Variants in ATP13A2 observed in about 807,000 individuals in gnomAD.
The protein encoded by ATP13A2 is polyamine-transporting ATPase 13A2.
In ATP13A2, 83 loss-of-function variants were observed where a neutral mutation model predicts 138.3. The observed-to-expected ratio is 0.60, with a 90% confidence interval of 0.50 to 0.72. The LOEUF is 0.72. Among genes scored for constraint, ATP13A2 ranks in the 30% least tolerant of loss-of-function variants. ATP13A2 has a pLI of 0.00. For missense variants in ATP13A2, 1,402 were observed against 1,606.4 expected (o/e 0.87, Z 2.17); for synonymous variants, 663 against 699.0 (o/e 0.95, Z 0.81).
At chr1:16,989,634 G>A (rs374091614) in intron 23 of ATP13A2, 57 bp downstream of exon 23, 438 of 1,565,550 alleles carry the variant, frequency 2.8e-4, no homozygotes, top group Non-Finnish European at 2.4e-4. Context: ...ATGAACAGAC[G>A]AACGGACAAG....
chr1:16,990,414 C>G, intron 20 of ATP13A2, 127 bp from the exon 21 acceptor site: 1 of 1,240,874 alleles, frequency 8.1e-7, no homozygotes, highest in Non-Finnish European at 1.1e-6. Context: ...TGAGCTGAGG[C>G]AGGTTACCAA....
Position 17,002,025 on chromosome 1 carries a change from C to G in ATP13A2, c.705+9G>C, listed in dbSNP as rs1332285157. 2.5e-6 allele frequency: 4 copies of G among 1,606,632 alleles called. No homozygotes were observed. The highest frequency in any genetic ancestry group is 3.4e-6 in the Non-Finnish European group (4 of 1,175,514). Reference sequence around the variant, plus strand: ...GCAGGGCTGGGGCAAGACCCAGGGACAGCCCTACCTCGTCCACCAGCAGCT... The same window carrying G: ...GCAGGGCTGGGGCAAGACCCAGGGAGAGCCCTACCTCGTCCACCAGCAGCT... On this transcript the variant is annotated intron_variant, in intron 8 of 28. Coordinates refer to ENST00000326735, the MANE Select transcript of ATP13A2 (RefSeq NM_022089.4).
Position 16,992,402 on chromosome 1 carries a change from C to T in ATP13A2, c.1846G>A (p.Glu616Lys), listed in dbSNP as rs2076966277. Residue 616 changes from glutamate (E) to lysine (K), a missense_variant and splice_region_variant, in exon 18 of 29, where the codon GAG becomes AAG. Glu to Lys is a moderately conservative substitution (Grantham distance 56, BLOSUM62 1). Coordinates refer to ENST00000326735, the MANE Select transcript of ATP13A2 (RefSeq NM_022089.4). Reference protein sequence around the residue: ...PLWEPQLQAMEEPPVPVSVLH... With the variant: ...PLWEPQLQAMKEPPVPVSVLH... Reference sequence around the variant, plus strand: ...ACGCTGACTGGCACCGGGGGCTCCTCCTGCAGGGTTGGAGAGGCAGCTGAG... The same window carrying T: ...ACGCTGACTGGCACCGGGGGCTCCTTCTGCAGGGTTGGAGAGGCAGCTGAG... 6.2e-7 allele frequency: 1 copy of T among 1,613,696 alleles called. No individual in the cohort carries two copies. The highest frequency in any genetic ancestry group is 1.1e-5 in the South Asian group (1 of 91,090).
rs114083324 is a variant in ATP13A2 at position 16,991,273 on chromosome 1, C to T, written c.2251+461G>A. Among the ~76,000 whole-genome samples the T allele has an allele frequency of 6.9e-3, 1,050 of 151,782 alleles. 9 individuals carry two copies. The highest frequency in any genetic ancestry group is 0.022 in the African/African-American group (929 of 41,376). ...GCCATTTTCGTATTCTTTGTAGAGA[C>T]GGAGTTTTGCCATGTTGCCCAGGTT... On this transcript the variant is annotated intron_variant, in intron 20 of 28. Coordinates refer to ENST00000326735, the MANE Select transcript of ATP13A2 (RefSeq NM_022089.4).
chr1:16,986,840 T>A lies in ATP13A2; in HGVS notation c.3200A>T (p.Lys1067Met). ...QYLILAAAVS[K>M]GAPFRRPLYT... is the part of the protein sequence containing the mutation. Reference sequence around the variant, plus strand: ...GAGCGGCCGGCGGAAGGGCGCCCCCTTGGACACGGCTGCAGCCAGGATGAG... The same window carrying A: ...GAGCGGCCGGCGGAAGGGCGCCCCCATGGACACGGCTGCAGCCAGGATGAG... The change falls in exon 27 of 29, where the codon AAG becomes ATG. Residue 1067 changes from lysine (K) to methionine (M), a missense_variant. By Grantham distance (95) the Lys-to-Met change is moderately conservative. Transcript: ENST00000326735. This position sits in a 1 kb window ranked among gnomAD's most constrained non-coding sequence, Gnocchi z 6.9. 6.2e-7 allele frequency: 1 copy of A among 1,612,744 alleles called. No individual in the cohort carries two copies. The highest frequency in any genetic ancestry group is 8.5e-7 in the Non-Finnish European group (1 of 1,179,586).
Position 17,004,848 on chromosome 1 carries a change from C to T in ATP13A2, c.348-27G>A, listed in dbSNP as rs1011484580. Reference sequence around the variant, plus strand: ...TGGGGAAGCAGGTGAGGGTTACTCTCGAGCTCTGGGAGCTGCCCTGGCACC... The same window carrying T: ...TGGGGAAGCAGGTGAGGGTTACTCTTGAGCTCTGGGAGCTGCCCTGGCACC... On this transcript the variant is annotated intron_variant, in intron 4 of 28. Coordinates refer to ENST00000326735, the MANE Select transcript of ATP13A2 (RefSeq NM_022089.4). The surrounding 1 kb of genome is among the most constrained non-coding windows in gnomAD (Gnocchi z 4.1). The T allele has an allele frequency of 1.5e-5, 24 of 1,613,534 alleles. No individual in the cohort carries two copies. Among genetic ancestry groups the T allele is most frequent in the East Asian group, 2.2e-5 (1 of 44,888 alleles).
chr1:16,996,953 C>T (rs2077149559), intron 12 of ATP13A2, 67 bp downstream of exon 12: 8 of 1,563,972 alleles, frequency 5.1e-6, no homozygotes. Flanking sequence ...CCCACCCTGC[C>T]TCACTCCACC....
In ATP13A2 at chr1:17,004,406, C is replaced by T. The variant is rs752048213; in HGVS notation, c.483G>A (p.Arg161=). ...SEEAVSVGQK[R]VLRYYLFQGQ... ...CCTGGAAGAGGTAATACCGCAGCAC[C>T]CGCTTCTGGGTGGGAGAGAGGAGAG... The change falls in exon 6 of 29, where the codon CGG becomes CGA. Residue 161 remains arginine (R), a synonymous_variant. Transcript: ENST00000326735. This position sits in a 1 kb window ranked among gnomAD's most constrained non-coding sequence, Gnocchi z 4.1. 6.2e-7 allele frequency: 1 copy of T among 1,614,026 alleles called. No homozygotes were observed. The highest frequency in any genetic ancestry group is 8.5e-7 in the Non-Finnish European group (1 of 1,180,008).
rs777254705 is a variant in ATP13A2, at chr1:17,002,389, AG to A, written c.558-17del. The stretch of plus-strand genomic sequence containing the variant: ...GTCCAGGAGGCTGGGGGTGGGTGCG[AG>A]GGGACACGCATGGGCCATGGGGCCT... On this transcript the variant is annotated splice_polypyrimidine_tract_variant and intron_variant, in intron 6 of 28. Coordinates refer to ENST00000326735, the MANE Select transcript of ATP13A2 (RefSeq NM_022089.4). 4 of 1,611,132 alleles carry A rather than the reference AG, an allele frequency of 2.5e-6. No individual in the cohort carries two copies. Among genetic ancestry groups the A allele is most frequent in the Non-Finnish European group, 3.4e-6 (4 of 1,179,178 alleles).
intron 21 of ATP13A2, 51 bp downstream of exon 21, chr1:16,990,076 A>G: frequency 1.9e-6 from 3 of 1,613,750 alleles, no homozygotes; most frequent in Non-Finnish European, 2.5e-6. Context: ...CAGGTGACAC[A>G]GGGGTGGGGT....
rs1482100202 is a variant in ATP13A2, at chr1:17,004,759, A to C, written c.410T>G (p.Val137Gly). 7 of 1,613,844 alleles carry C rather than the reference A, an allele frequency of 4.3e-6. No homozygotes were observed. The highest frequency in any genetic ancestry group is 3.3e-5 in the South Asian group (3 of 91,088). ...DGRSQAAVGA[V>G]PEGAWKDTAQ... ...CGTATCCTTCCAGGCACCCTCTGGT[A>C]CCGCCCCAACTGCCGCCTGGCTCCG... Residue 137 changes from valine to glycine, a missense_variant, in exon 5 of 29, where the codon GTA becomes GGA. Coordinates refer to ENST00000326735, the MANE Select transcript of ATP13A2 (RefSeq NM_022089.4). This position sits in a 1 kb window ranked among gnomAD's most constrained non-coding sequence, Gnocchi z 4.1.
Position 17,000,251 on chromosome 1 carries a change from C to A in ATP13A2, c.902G>T (p.Gly301Val), listed in dbSNP as rs1044203058. The change falls in exon 10 of 29, where the codon GGG becomes GTG. Residue 301 changes from glycine (G) to valine (V), a missense_variant. By Grantham distance (109) the Gly-to-Val change is moderately radical. Transcript: ENST00000326735. The part of the protein sequence containing the change: ...LSMRVCVCRP[G>V]GEEEWVDSSE... ...CCTGGGCCCTAGCTCCTCACCTCCC[C>A]CTGGCCGGCACACGCACACCCGCAT... is the stretch of plus-strand genomic sequence containing the variant. 1.3e-6 allele frequency: 2 copies of A among 1,566,470 alleles called. No homozygotes were observed. Among genetic ancestry groups the A allele is most frequent in the Admixed American group, 1.9e-5 (1 of 52,824 alleles).
At position 16,986,274 on chromosome 1, in the gene ATP13A2, G is replaced by T. The variant is rs373003359; in HGVS notation, c.3490C>A (p.Arg1164=). The T allele has an allele frequency of 1.0e-5, 16 of 1,605,910 alleles. No homozygotes were observed. The highest frequency in any genetic ancestry group is 5.1e-5 in the Admixed American group (3 of 58,868). Residue 1164 remains arginine, a synonymous_variant, in exon 29 of 29, where the codon CGA becomes AGA. Transcript: ENST00000326735. This position sits in a 1 kb window ranked among gnomAD's most constrained non-coding sequence, Gnocchi z 6.9. The stretch of plus-strand genomic sequence containing the variant: ...GGCCAGGGCTGCTCGGCCAGCTCTC[G>T]TTCCAGCTGCTTGAAGCGCTTCTTG... ...ASKKRFKQLE[R]ELAEQPWPPL...
chr1:17,007,535 C>G (rs756035669), intron 1 of ATP13A2, among the ~76,000 whole-genome samples: 7 of 146,908 alleles, frequency 4.8e-5, no homozygotes, highest in Non-Finnish European at 8.9e-5. Context: ...AATCTGAGCC[C>G]TTCTAAAATT....
chr1:16,992,556 T>C lies in ATP13A2; in HGVS notation c.1775A>G (p.Asp592Gly). ...CAAGACCTGGGTCCCAAATGCTGAG[T>C]CTGCAGCCGGCTCTTCCTCCAGGAC... ...GWVLEEEPAA[D>G]SAFGTQVLAV... is the part of the protein sequence containing the mutation. Residue 592 changes from aspartate to glycine, a missense_variant, in exon 17 of 29, where the codon GAC (aspartate) becomes GGC (glycine). Asp to Gly is a moderately conservative substitution (Grantham distance 94, BLOSUM62 -1). Transcript: ENST00000326735. 1 of 1,614,102 alleles carries C rather than the reference T, an allele frequency of 6.2e-7. No homozygotes were observed. Among genetic ancestry groups the C allele is most frequent in the Non-Finnish European group, 8.5e-7 (1 of 1,179,988 alleles).
chr1:16,986,074 A>AGGGT lies in ATP13A2; in HGVS notation c.*143_*146dup. 1 of 1,524,590 alleles carries AGGGT rather than the reference A, an allele frequency of 6.6e-7. No homozygotes were observed. The highest frequency in any genetic ancestry group is 8.8e-7 in the Non-Finnish European group (1 of 1,134,386). 94.4% of individuals were successfully genotyped at this position (1,524,590 alleles called of 1,614,324 possible). A position where few individuals can be genotyped will look rare whatever the true frequency, so the allele number is the denominator to read the frequency against. On this transcript the variant is annotated 3_prime_UTR_variant, in exon 29 of 29. Coordinates refer to ENST00000326735, the MANE Select transcript of ATP13A2 (RefSeq NM_022089.4). This position sits in a 1 kb window ranked among gnomAD's most constrained non-coding sequence, Gnocchi z 6.9. ...AGGGGACAGTAGTCAACGCTTCCCC[A>AGGGT]GGGTGGGGGTGGTCTCGGGGGAGGA...
intron 20 of ATP13A2, among the ~76,000 whole-genome samples, 161 bp downstream of exon 20, chr1:16,991,572 GC>G (rs2076931614): frequency 6.6e-6 from 1 of 152,180 alleles, no homozygotes; most frequent in Non-Finnish European, 1.5e-5. Context: ...ATTACCACTT[GC>G]GGGGGGGATA....
rs1410277486 is a variant in ATP13A2, at chr1:16,996,067, G to A, written c.1451C>T (p.Ala484Val). The change falls in exon 15 of 29, where the codon GCC becomes GTC. Residue 484 changes from alanine to valine, a missense_variant. Transcript: ENST00000326735. ...PAAMTVCTLY[A>V]QSRLRRQGIF... ...GCCCTGTCTCCGCAGTCGGCTCTGG[G>A]CGTAGAGCGTGCACACAGTCATGGC... 6.2e-7 allele frequency: 1 copy of A among 1,614,116 alleles called. No homozygotes were observed.
chr1:16,991,979 C>CA (rs759858068), intron 19 of ATP13A2, 30 bp downstream of exon 19: 256 of 1,610,132 alleles, frequency 1.6e-4, no homozygotes, highest in Middle Eastern at 3.4e-4. Flanking sequence ...GCCTAGTCCT[C>CA]AGAGTGGGTG....
Sources: allele counts gnomAD v4.1 joint callset (sites outside exome capture counted in the v4.1 genomes callset), GRCh38; gene constraint gnomAD v4.1.1; non-coding constraint Gnocchi (gnomAD v3.1); transcripts MANE v1.5; gene names NCBI Gene and HGNC (gene_info 2026-07-23, HGNC 2026-07-21).